Variants in AK9 observed in about 807,000 individuals in gnomAD.
AK9 encodes the protein adenylate kinase domain containing 1.
Under a neutral mutation model 239.6 loss-of-function variants are expected in AK9, and 191 were observed. That is an observed-to-expected ratio of 0.80 (90% CI 0.71 to 0.90). The LOEUF is 0.90. Among genes scored for constraint, AK9 ranks in the 40% least tolerant of loss-of-function variants. The probability of loss-of-function intolerance (pLI) is 0.00; values close to 1 mark genes in which losing one functional copy is unlikely to be tolerated. For synonymous variants in AK9, 689 were observed against 721.0 expected, an observed-to-expected ratio of 0.96 and a Z score of 0.71; for missense variants, 1,995 against 2,214.7, an observed-to-expected ratio of 0.90 and a Z score of 1.99.
rs140046547 is a variant in AK9, at chr6:109,616,912, A to T, written c.1399+2180T>A. ...ATTAGCTCTCTGGAAAACCCAAGAG[A>T]ATCAACTGAAAGTCCATCAGAACTA... On this transcript the variant is annotated intron_variant, in intron 13 of 40. Coordinates refer to ENST00000424296, the MANE Select transcript of AK9 (RefSeq NM_001145128.3). Among the ~76,000 whole-genome samples, 190 of 152,292 alleles carry T rather than the reference A, an allele frequency of 1.2e-3. 2 individuals carry two copies. The East Asian group carries it at 0.025, about 20-fold the overall frequency.
intron 9 of AK9, among the ~76,000 whole-genome samples, chr6:109,642,811 T>C (rs1189940196): frequency 6.6e-6 from 1 of 152,126 alleles, no homozygotes; most frequent in African/African-American, 2.4e-5. Flanking sequence ...AAGTTCTATC[T>C]TGCACACTTA....
Position 109,585,133 on chromosome 6 carries a change from CT to C in AK9, c.2103del (p.Glu702LysfsTer11). 8.6e-7 allele frequency: 1 copy of C among 1,164,338 alleles called. No individual in the cohort carries two copies. The highest frequency in any genetic ancestry group is 1.1e-6 in the Non-Finnish European group (1 of 912,600). The allele number at this position is 1,164,338 out of a possible 1,614,324, so 72.1% of individuals were successfully genotyped here. On this transcript the variant is annotated frameshift_variant, in exon 19 of 41. Transcript: ENST00000424296. LOFTEE classifies it high-confidence loss of function. Reference protein sequence around the residue: ...LEELQKKKKEEEEARKATEEE... With the variant: ...LEELQKKKKEXEEARKATEEE... ...CTAGGCAGATTTTACCTTGCTTCTTCTTCTTCTTTTTTTTTCTTTTGTAGTT... is the reference window on the plus strand; with the variant it reads ...CTAGGCAGATTTTACCTTGCTTCTTCTCTTCTTTTTTTTTCTTTTGTAGTT...
chr6:109,656,922 C>A, intron 7 of AK9, 38 bp from the exon 8 acceptor site: 3 of 1,604,076 alleles, frequency 1.9e-6, no homozygotes, highest in South Asian at 2.2e-5. Flanking sequence ...ATCTTTAGGT[C>A]AATGACTATT....
intron 8 of AK9, among the ~76,000 whole-genome samples, chr6:109,647,518 C>G (rs1232710212): frequency 6.6e-6 from 1 of 152,160 alleles, no homozygotes; most frequent in East Asian, 1.9e-4. Context: ...GTAAAGGGAT[C>G]AGTTCAACAA....
intron 21 of AK9, among the ~76,000 whole-genome samples, chr6:109,569,310 C>T (rs1033921064): frequency 3.9e-5 from 6 of 152,124 alleles, no homozygotes; most frequent in Non-Finnish European, 1.5e-5. Context: ...AATGTTAGAC[C>T]TAAAACCATA....
Position 109,633,923 on chromosome 6 carries a change from G to A in AK9, c.934-600C>T, listed in dbSNP as rs567592583. Among the ~76,000 whole-genome samples the A allele has an allele frequency of 4.6e-5, 7 of 152,170 alleles. No homozygotes were observed. In the South Asian group the frequency reaches 1.5e-3, roughly 32 times the overall value. ...GTAGAAAACTGCTAATTCTCAGTTG[G>A]GAACATGCTTATTTTATTTTATATT... On this transcript the variant is annotated intron_variant, in intron 10 of 40. Coordinates refer to ENST00000424296, the MANE Select transcript of AK9 (RefSeq NM_001145128.3).
chr6:109,616,456 C>A (rs118143166), intron 13 of AK9, among the ~76,000 whole-genome samples: 4,345 of 151,522 alleles, frequency 0.029, 96 homozygotes, highest in East Asian at 0.11. Flanking sequence ...TAGCTTACTG[C>A]AGCCTCAACC....
intron 10 of AK9, among the ~76,000 whole-genome samples, chr6:109,639,949 A>G (rs933137759): frequency 2.0e-5 from 3 of 152,232 alleles, no homozygotes; most frequent in Non-Finnish European, 2.9e-5. Flanking sequence ...GTCAAAGATC[A>G]GATGGTTGTA....
At chr6:109,515,166 G>A (rs180807085) in intron 31 of AK9, among the ~76,000 whole-genome samples, 27 of 152,320 alleles carry the variant, frequency 1.8e-4, no homozygotes, top group Admixed American at 4.6e-4. Flanking sequence ...ATTTTGTAAC[G>A]GCAGCCAGAG....
At chr6:109,605,468 G>C (rs916805880) in intron 17 of AK9, among the ~76,000 whole-genome samples, 3 of 152,048 alleles carry the variant, frequency 2.0e-5, no homozygotes, top group Non-Finnish European at 2.9e-5. Flanking sequence ...TCTGAGAAGG[G>C]AGCCAGGATC....
chr6:109,563,964 C>A lies in AK9; in HGVS notation c.2635+116G>T, dbSNP rs572331654. The stretch of plus-strand genomic sequence containing the variant: ...AGTTGCTAAGTATTTTATACATCAG[C>A]CTTGGATATACTGAACATTTACTTC... On this transcript the variant is annotated intron_variant, in intron 23 of 40. Transcript: ENST00000424296. 3.5e-6 allele frequency: 4 copies of A among 1,143,956 alleles called. No individual in the cohort carries two copies. The Admixed American group carries it at 1.1e-4, about 31-fold the overall frequency. The allele number at this position is 1,143,956 out of a possible 1,614,324, so 70.9% of individuals were successfully genotyped here.
At chr6:109,624,382 A>C (rs1795270378) in intron 12 of AK9, among the ~76,000 whole-genome samples, 1 of 152,048 alleles carries the variant, frequency 6.6e-6, no homozygotes, top group East Asian at 1.9e-4. Flanking sequence ...GATGCACTAC[A>C]TCCTCTAGTA....
intron 7 of AK9, 67 bp from the exon 8 acceptor site, chr6:109,656,951 C>T: frequency 6.4e-7 from 1 of 1,558,530 alleles, no homozygotes; most frequent in Non-Finnish European, 8.8e-7. Flanking sequence ...AAGCCATATT[C>T]CCCACTCCTT....
Position 109,497,817 on chromosome 6 carries a change from G to A in AK9, c.5195C>T (p.Thr1732Ile). Reference sequence around the variant, plus strand: ...TTGCCTTTGGTTTCCATCCTTATAGGTCACTGGACAGTAGCCCTGGAGCTC... The same window carrying A: ...TTGCCTTTGGTTTCCATCCTTATAGATCACTGGACAGTAGCCCTGGAGCTC... Reference protein sequence around the residue: ...CAELQGYCPVTYKDGNQRYEA... With the variant: ...CAELQGYCPVIYKDGNQRYEA... Residue 1732 changes from threonine (T) to isoleucine (I), a missense_variant, in exon 37 of 41, where the codon ACC (threonine) becomes ATC (isoleucine). Thr to Ile is a moderately conservative substitution (Grantham distance 89, BLOSUM62 -1). Coordinates refer to ENST00000424296, the MANE Select transcript of AK9 (RefSeq NM_001145128.3). 1 of 1,613,622 alleles carries A rather than the reference G, an allele frequency of 6.2e-7. No individual in the cohort carries two copies. Among genetic ancestry groups the A allele is most frequent in the Non-Finnish European group, 8.5e-7 (1 of 1,179,718 alleles).
intron 5 of AK9, among the ~76,000 whole-genome samples, chr6:109,669,397 C>A (rs964268818): frequency 6.6e-6 from 1 of 151,876 alleles, no homozygotes; most frequent in South Asian, 2.1e-4. Flanking sequence ...TCCTGCCTGA[C>A]TGCCCTGGCC....
chr6:109,524,582 T>A (rs1780234735), intron 29 of AK9, among the ~76,000 whole-genome samples: 1 of 152,184 alleles, frequency 6.6e-6, no homozygotes, highest in African/African-American at 2.4e-5. Context: ...ATAATTCAGA[T>A]GTCCAGCATT....
chr6:109,532,409 C>T (rs1781397532), intron 28 of AK9, among the ~76,000 whole-genome samples: 1 of 152,160 alleles, frequency 6.6e-6, no homozygotes, highest in Admixed American at 6.5e-5. Flanking sequence ...CTGGGCCATC[C>T]TAGGTCCAGA....
intron 26 of AK9, among the ~76,000 whole-genome samples, chr6:109,544,620 T>C (rs117710639): frequency 0.043 from 6,492 of 152,270 alleles, 178 homozygotes; most frequent in South Asian, 0.088. Context: ...GTAAGTTTTC[T>C]AAGGCCTCTC....
chr6:109,509,194 A>G lies in AK9; in HGVS notation c.4466T>C (p.Val1489Ala), dbSNP rs1778424830. The change falls in exon 33 of 41, where the codon GTG becomes GCG. Residue 1489 changes from valine to alanine, a missense_variant. Around this residue, in one of 5 missense-constraint regions of AK9, gnomAD observed 45 missense variants for 80.5 expected, o/e 0.56. Transcript: ENST00000424296. ...QALELSLMES[V>A]CNTAGVVIDG... Reference sequence around the variant, plus strand: ...ATTCACTTACCCTGCAGTATTGCACACACTTTCCATCAGAGAAAGTTCTAA... The same window carrying G: ...ATTCACTTACCCTGCAGTATTGCACGCACTTTCCATCAGAGAAAGTTCTAA... 6 of 1,552,074 alleles carry G rather than the reference A, an allele frequency of 3.9e-6. No individual in the cohort carries two copies. The highest frequency in any genetic ancestry group is 5.2e-6 in the Non-Finnish European group (6 of 1,147,078).
Sources: gnomAD v4.1 joint callset for allele counts (sites outside exome capture counted in the v4.1 genomes callset) on GRCh38, gnomAD v4.1.1 for gene constraint, gnomAD v4.1.1 regional missense constraint, MANE v1.5 for transcripts, NCBI Gene and HGNC (gene_info 2026-07-23, HGNC 2026-07-21) for gene names.